Variants in C2CD4B observed in about 807,000 individuals in gnomAD.
C2CD4B encodes the protein C2 calcium-dependent domain-containing protein 4B.
For synonymous variants in C2CD4B, 347 were observed against 284.9 expected (o/e 1.22, Z -2.20); for missense variants, 644 against 577.7 (o/e 1.11, Z -1.18).
Position 62,163,979 on chromosome 15 carries a change from C to T in C2CD4B, c.1006G>A (p.Val336Ile), listed in dbSNP as rs759948439. The change falls in exon 2 of 2, where the codon GTC becomes ATC. Residue 336 changes from valine (V) to isoleucine (I), a missense_variant. Val to Ile is a conservative substitution (Grantham distance 29). Transcript: ENST00000380392. ...CCGCGACCCTCATCCCGGGCCTTGA[C>T]GCGAACGGCCAGGCGGCGCACCTCG... is the stretch of plus-strand genomic sequence containing the variant. Reference protein sequence around the residue: ...EDEVRRLAVRVKARDEGRGRD... With the variant: ...EDEVRRLAVRIKARDEGRGRD... The T allele has an allele frequency of 1.9e-6, 3 of 1,597,750 alleles. No individual in the cohort carries two copies. Among genetic ancestry groups the T allele is most frequent in the Non-Finnish European group, 2.6e-6 (3 of 1,174,930 alleles).
Position 62,163,559 on chromosome 15 carries a change from A to T in C2CD4B, c.*331T>A, listed in dbSNP as rs560535743. 8.5e-5 allele frequency: 23 copies of T among 270,678 alleles called. 1 individual carries two copies. Among genetic ancestry groups the T allele is most frequent in the Middle Eastern group, 1.0e-3 (1 of 960 alleles). 16.8% of individuals were successfully genotyped at this position (270,678 alleles called of 1,614,324 possible). On this transcript the variant is annotated 3_prime_UTR_variant, in exon 2 of 2. Transcript: ENST00000380392. ...CTCTGAATGAATAACTTGCTTTATT[A>T]AAAAAAAACTGTAACATTGATAGAA...
rs1402702794 is a variant in C2CD4B, at chr15:62,164,974, A to C, written c.11T>G (p.Leu4Arg). ...TGCGGCCGAGGAACAGAGTTTCTCG[A>C]GGAGCCGCATCCTTGGAGGCTGGGG... MRL[L>R]EKLCSSAAGS... The change falls in exon 2 of 2, where the codon CTC (leucine) becomes CGC (arginine). Residue 4 changes from leucine to arginine, a missense_variant. By Grantham distance (102) the Leu-to-Arg change is moderately radical (BLOSUM62 -2). Coordinates refer to ENST00000380392, the MANE Select transcript of C2CD4B (RefSeq NM_001007595.3). 1.3e-6 allele frequency: 2 copies of C among 1,521,480 alleles called. No homozygotes were observed. The highest frequency in any genetic ancestry group is 1.8e-6 in the Non-Finnish European group (2 of 1,135,972). The allele number at this position is 1,521,480 out of a possible 1,614,324, so 94.2% of individuals were successfully genotyped here. A position where few individuals can be genotyped will look rare whatever the true frequency, so the allele number is the denominator to read the frequency against.
In C2CD4B at chr15:62,164,905, G is replaced by T; in HGVS notation, c.80C>A (p.Pro27Gln). Residue 27 changes from proline (P) to glutamine (Q), a missense_variant, in exon 2 of 2, where the codon CCG (proline) becomes CAG (glutamine). Pro to Gln is a moderately conservative substitution (Grantham distance 76). Transcript: ENST00000380392. The part of the protein sequence containing the change: ...PKPAFAKVLT[P>Q]NRIPEFCIPP... ...GATGCAGAATTCGGGGATGCGATTC[G>T]GCGTGAGCACTTTGGCGAAGGCGGG... 6.5e-7 allele frequency: 1 copy of T among 1,535,534 alleles called. No individual in the cohort carries two copies. Among genetic ancestry groups the T allele is most frequent in the Admixed American group, 2.0e-5 (1 of 50,240 alleles).
rs2049584447 is a variant in C2CD4B at position 62,164,210 on chromosome 15, A to G, written c.775T>C (p.Cys259Arg). The change falls in exon 2 of 2, where the codon TGT (cysteine) becomes CGT (arginine). Residue 259 changes from cysteine to arginine, a missense_variant. Cys to Arg is a radical substitution (Grantham distance 180). Transcript: ENST00000380392. ...AGGCGGAGACGCCGGGTTCCCGGACAGTACTCAGCAGCCAGGCGCAGGGCG... is the reference window on the plus strand; with the variant it reads ...AGGCGGAGACGCCGGGTTCCCGGACGGTACTCAGCAGCCAGGCGCAGGGCG... The part of the protein sequence containing the change: ...GDALRLAAEY[C>R]PGTRRLRLRL... 6.8e-7 allele frequency: 1 copy of G among 1,472,616 alleles called. No homozygotes were observed. 91.2% of individuals were successfully genotyped at this position (1,472,616 alleles called of 1,614,324 possible). A position where few individuals can be genotyped will look rare whatever the true frequency, so the allele number is the denominator to read the frequency against.
chr15:62,164,255 C>A lies in C2CD4B; in HGVS notation c.730G>T (p.Ala244Ser). 6.9e-7 allele frequency: 1 copy of A among 1,442,844 alleles called. No homozygotes were observed. 89.4% of individuals were successfully genotyped at this position (1,442,844 alleles called of 1,614,324 possible). Residue 244 changes from alanine to serine, a missense_variant, in exon 2 of 2, where the codon GCT becomes TCT. Physicochemically the swap from Ala to Ser is moderately conservative, Grantham distance 99. Transcript: ENST00000380392. ...PERLEAKGTVALGRAGDALRL... is the reference protein window; with the variant it reads ...PERLEAKGTVSLGRAGDALRL... ...AGGGCGTCGCCGGCGCGGCCCAGAG[C>A]CACGGTGCCCTTGGCCTCCAGGCGC... is the stretch of plus-strand genomic sequence containing the variant.
In C2CD4B at chr15:62,164,217, A is replaced by T. The variant is rs763147210; in HGVS notation, c.768T>A (p.Ala256=). 56 of 1,471,170 alleles carry T rather than the reference A, an allele frequency of 3.8e-5. No homozygotes were observed. In the East Asian group the frequency reaches 1.6e-3, roughly 42 times the overall value. The allele number at this position is 1,471,170 out of a possible 1,614,324, so 91.1% of individuals were successfully genotyped here. ...GACGCCGGGTTCCCGGACAGTACTC[A>T]GCAGCCAGGCGCAGGGCGTCGCCGG... is the stretch of plus-strand genomic sequence containing the variant. ...GRAGDALRLA[A]EYCPGTRRLR... Residue 256 remains alanine (A), a synonymous_variant, in exon 2 of 2, where the codon GCT becomes GCA. Coordinates refer to ENST00000380392, the MANE Select transcript of C2CD4B (RefSeq NM_001007595.3).
chr15:62,164,132 C>A lies in C2CD4B; in HGVS notation c.853G>T (p.Val285Phe), dbSNP rs775650660. ...AGGACGAGGCTGAGGCGGCAGCGGA[C>A]GGCGCGGGGCCCGGGGGCGCCTCCG... ...LFGGAPGPRAVRCRLSLVLRP... is the reference protein window; with the variant it reads ...LFGGAPGPRAFRCRLSLVLRP... Residue 285 changes from valine (V) to phenylalanine (F), a missense_variant, in exon 2 of 2, where the codon GTC (valine) becomes TTC (phenylalanine). Val to Phe is a conservative substitution (Grantham distance 50). Coordinates refer to ENST00000380392, the MANE Select transcript of C2CD4B (RefSeq NM_001007595.3). The A allele has an allele frequency of 4.1e-6, 6 of 1,461,450 alleles. No individual in the cohort carries two copies. The highest frequency in any genetic ancestry group is 1.4e-5 in the South Asian group (1 of 73,136). The allele number at this position is 1,461,450 out of a possible 1,614,324, so 90.5% of individuals were successfully genotyped here.
Position 62,164,275 on chromosome 15 carries a change from A to G in C2CD4B, c.710T>C (p.Leu237Pro), listed in dbSNP as rs1379374732. 7.0e-7 allele frequency: 1 copy of G among 1,426,230 alleles called. No homozygotes were observed. The allele number at this position is 1,426,230 out of a possible 1,614,324, so 88.3% of individuals were successfully genotyped here. ...CAGAGCCACGGTGCCCTTGGCCTCC[A>G]GGCGCTCAGGAAGCGGGGCCCTGGA... ...LSSRAPLPER[L>P]EAKGTVALGR... The change falls in exon 2 of 2, where the codon CTG (leucine) becomes CCG (proline). Residue 237 changes from leucine to proline, a missense_variant. By Grantham distance (98) the Leu-to-Pro change is moderately conservative (BLOSUM62 -3). Transcript: ENST00000380392.
chr15:62,165,015 A>AGAGGTGCGCCTGCGGGGGAGAG lies in C2CD4B; in HGVS notation c.-40-13_-32dup. ...GAGGCTGGGGCTAGGAGTGGCGGGA[A>AGAGGTGCGCCTGCGGGGGAGAG]GAGGTGCGCCTGCGGGGGAGAGAAG... On this transcript the variant is annotated 5_prime_UTR_variant, in exon 2 of 2. Transcript: ENST00000380392. The AGAGGTGCGCCTGCGGGGGAGAG allele has an allele frequency of 6.8e-7, 1 of 1,478,608 alleles. No individual in the cohort carries two copies. Among genetic ancestry groups the AGAGGTGCGCCTGCGGGGGAGAG allele is most frequent in the Non-Finnish European group, 8.9e-7 (1 of 1,117,890 alleles). The allele number at this position is 1,478,608 out of a possible 1,614,324, so 91.6% of individuals were successfully genotyped here.
rs1489750547 is a variant in C2CD4B, at chr15:62,164,134, G to C, written c.851C>G (p.Ala284Gly). 6.8e-7 allele frequency: 1 copy of C among 1,461,486 alleles called. No homozygotes were observed. Among genetic ancestry groups the C allele is most frequent in the Non-Finnish European group, 9.0e-7 (1 of 1,116,538 alleles). 90.5% of individuals were successfully genotyped at this position (1,461,486 alleles called of 1,614,324 possible). Residue 284 changes from alanine to glycine, a missense_variant, in exon 2 of 2, where the codon GCC becomes GGC. Physicochemically the swap from Ala to Gly is moderately conservative, Grantham distance 60. Transcript: ENST00000380392. ...SLFGGAPGPR[A>G]VRCRLSLVLR... ...GACGAGGCTGAGGCGGCAGCGGACGGCGCGGGGCCCGGGGGCGCCTCCGAA... is the reference window on the plus strand; with the variant it reads ...GACGAGGCTGAGGCGGCAGCGGACGCCGCGGGGCCCGGGGGCGCCTCCGAA...
Position 62,164,751 on chromosome 15 carries a change from C to A in C2CD4B, c.234G>T (p.Trp78Cys), listed in dbSNP as rs901672341. ...AADEDAGRTD[W>C]DPRSQAALSL... ...ACAGCGCTGCCTGCGAGCGCGGGTC[C>A]CAGTCCGTGCGGCCGGCGTCCTCGT... The change falls in exon 2 of 2, where the codon TGG (tryptophan) becomes TGT (cysteine). Residue 78 changes from tryptophan to cysteine, a missense_variant. Coordinates refer to ENST00000380392, the MANE Select transcript of C2CD4B (RefSeq NM_001007595.3). 6.7e-6 allele frequency: 10 copies of A among 1,486,446 alleles called. No homozygotes were observed. The Middle Eastern group carries it at 7.1e-4, about 105-fold the overall frequency. 92.1% of individuals were successfully genotyped at this position (1,486,446 alleles called of 1,614,324 possible).
rs1170663446 is a variant in C2CD4B, at chr15:62,165,042, T to C, written c.-40-18A>G. 3 of 1,452,766 alleles carry C rather than the reference T, an allele frequency of 2.1e-6. No individual in the cohort carries two copies. The highest frequency in any genetic ancestry group is 1.5e-5 in the African/African-American group (1 of 67,738). 90.0% of individuals were successfully genotyped at this position (1,452,766 alleles called of 1,614,324 possible). ...AGGTGCGCCTGCGGGGGAGAGAAGCTGCTGAGTTTGGGCGCCTGGAGCTGC... is the reference window on the plus strand; with the variant it reads ...AGGTGCGCCTGCGGGGGAGAGAAGCCGCTGAGTTTGGGCGCCTGGAGCTGC... On this transcript the variant is annotated intron_variant, in intron 1 of 1. Coordinates refer to ENST00000380392, the MANE Select transcript of C2CD4B (RefSeq NM_001007595.3).
chr15:62,164,157 G>A lies in C2CD4B; in HGVS notation c.828C>T (p.Phe276=), dbSNP rs752594468. Residue 276 remains phenylalanine (F), a synonymous_variant, in exon 2 of 2, where the codon TTC becomes TTT. Transcript: ENST00000380392. ...CGGCGCGGGGCCCGGGGGCGCCTCC[G>A]AACAGGCTCTCCGCGCGGAGCAGCC... ...RLRLLRAESL[F]GGAPGPRAVR... is the part of the protein sequence containing the mutation. 1 of 1,464,722 alleles carries A rather than the reference G, an allele frequency of 6.8e-7. No homozygotes were observed. Among genetic ancestry groups the A allele is most frequent in the Non-Finnish European group, 8.9e-7 (1 of 1,117,852 alleles). The allele number at this position is 1,464,722 out of a possible 1,614,324, so 90.7% of individuals were successfully genotyped here.
At position 62,164,860 on chromosome 15, in the gene C2CD4B, G is replaced by C. The variant is rs747174568; in HGVS notation, c.125C>G (p.Pro42Arg). 6.7e-7 allele frequency: 1 copy of C among 1,499,644 alleles called. No homozygotes were observed. 92.9% of individuals were successfully genotyped at this position (1,499,644 alleles called of 1,614,324 possible). The change falls in exon 2 of 2, where the codon CCT becomes CGT. Residue 42 changes from proline (P) to arginine (R), a missense_variant. Pro to Arg is a moderately radical substitution (Grantham distance 103). Transcript: ENST00000380392. ...EFCIPPRLPA[P>R]CTLESPIRAA... is the part of the protein sequence containing the mutation. ...CCGGATTGGAGACTCGAGCGTGCAA[G>C]GGGCCGGCAGCCGCGGCGGGATGCA...
chr15:62,163,773 G>C lies in C2CD4B; in HGVS notation c.*117C>G. The C allele has an allele frequency of 7.8e-7, 1 of 1,289,478 alleles. No individual in the cohort carries two copies. The highest frequency in any genetic ancestry group is 1.0e-6 in the Non-Finnish European group (1 of 1,004,324). The allele number at this position is 1,289,478 out of a possible 1,614,324, so 79.9% of individuals were successfully genotyped here. On this transcript the variant is annotated 3_prime_UTR_variant, in exon 2 of 2. Transcript: ENST00000380392. ...GATGACAAATGTGGATGGTGAGGAA[G>C]TAAAACGTCAATAAAGCAGTATCAT...
chr15:62,164,016 G>T lies in C2CD4B; in HGVS notation c.969C>A (p.Gly323=). 6.2e-7 allele frequency: 1 copy of T among 1,601,496 alleles called. No homozygotes were observed. Residue 323 remains glycine (G), a synonymous_variant, in exon 2 of 2, where the codon GGC becomes GGA. Transcript: ENST00000380392. ...ASFDQDFCFD[G]LSEDEVRRLA... is the part of the protein sequence containing the mutation. ...GGCGGCGCACCTCGTCTTCCGAGAG[G>T]CCGTCGAAGCAAAAGTCCTGGTCAA...
chr15:62,164,989 G>A lies in C2CD4B; in HGVS notation c.-5C>T. The stretch of plus-strand genomic sequence containing the variant: ...GAGTTTCTCGAGGAGCCGCATCCTT[G>A]GAGGCTGGGGCTAGGAGTGGCGGGA... On this transcript the variant is annotated 5_prime_UTR_variant, in exon 2 of 2. Coordinates refer to ENST00000380392, the MANE Select transcript of C2CD4B (RefSeq NM_001007595.3). The A allele has an allele frequency of 1.3e-6, 2 of 1,514,188 alleles. No homozygotes were observed. Among genetic ancestry groups the A allele is most frequent in the Non-Finnish European group, 1.8e-6 (2 of 1,132,846 alleles). 93.8% of individuals were successfully genotyped at this position (1,514,188 alleles called of 1,614,324 possible).
intron 1 of C2CD4B, 52 bp downstream of exon 1, chr15:62,165,143 G>A: frequency 1.3e-6 from 1 of 788,344 alleles, no homozygotes; most frequent in Non-Finnish European, 1.9e-6. Flanking sequence ...CCCCAGACCA[G>A]TTCCAGCCTT....
chr15:62,165,062 A>G, intron 1 of C2CD4B, 38 bp from the exon 2 acceptor site: 1 of 1,426,832 alleles, frequency 7.0e-7, no homozygotes, highest in Non-Finnish European at 9.1e-7. Flanking sequence ...GGGCGCCTGG[A>G]GCTGCTGCAG....
Sources: allele counts gnomAD v4.1 joint callset, GRCh38; gene constraint gnomAD v4.1.1; transcripts MANE v1.5; gene names NCBI Gene and HGNC (gene_info 2026-07-23, HGNC 2026-07-21).